The following CTDSP2 variants were observed in gnomAD, a reference collection of about 807,000 sequenced individuals.
CTDSP2 encodes carboxy-terminal domain RNA polymerase II polypeptide A small phosphatase 2.
CTDSP2 carries 9 observed loss-of-function variants against 31.6 expected under a neutral mutation model. The ratio of observed to expected loss-of-function variants is 0.28; its 90% confidence interval spans 0.17 to 0.50. CTDSP2 has a LOEUF of 0.50. Ranked by LOEUF, CTDSP2 falls within the 20% of genes least tolerant of loss-of-function variation. The pLI, the probability that CTDSP2 is intolerant of heterozygous loss-of-function variation, is 0.98. For missense variants in CTDSP2, 267 were observed against 348.5 expected, an observed-to-expected ratio of 0.77 and a Z score of 1.86; for synonymous variants, 134 against 134.5, an observed-to-expected ratio of 1.00 and a Z score of 0.03.
intron 1 of CTDSP2, among the ~76,000 whole-genome samples, chr12:57,840,305 G>GGTC (rs1956274922): frequency 1.3e-5 from 2 of 152,208 alleles, no homozygotes; most frequent in African/African-American, 4.8e-5. Context: ...CGGTTGCCAG[G>GGTC]GTCTCTGACT....
At position 57,846,523 on chromosome 12, in the gene CTDSP2, C is replaced by T. The variant is rs1000484107; in HGVS notation, c.-88G>A. On this transcript the variant is annotated 5_prime_UTR_variant, in exon 1 of 8. Transcript: ENST00000398073. The stretch of plus-strand genomic sequence containing the variant: ...GGGCTGGGGGGCCTGGGCGGGGGCC[C>T]GCTCCGGCTCCCGAGACTCCGACTT... The T allele has an allele frequency of 9.1e-7, 1 of 1,094,594 alleles. No homozygotes were observed. The highest frequency in any genetic ancestry group is 1.2e-6 in the Non-Finnish European group (1 of 805,556). The allele number at this position is 1,094,594 out of a possible 1,614,324, so 67.8% of individuals were successfully genotyped here.
rs1956202775 is a variant in CTDSP2 at position 57,829,536 on chromosome 12, A to T, written c.125T>A (p.Phe42Tyr). The change falls in exon 2 of 8, where the codon TTC becomes TAC. Residue 42 changes from phenylalanine (F) to tyrosine (Y), a missense_variant. Physicochemically the swap from Phe to Tyr is conservative, Grantham distance 22. This residue lies in a region of CTDSP2 where 111 missense variants were observed against 107.1 expected (regional missense o/e 1.04). Coordinates refer to ENST00000398073, the MANE Select transcript of CTDSP2 (RefSeq NM_005730.4). ...AACATGCTGGGCGCGAAAACAGCAGAAAAGGGCCTTGAAGATGTTACGTCC... is the reference window on the plus strand; with the variant it reads ...AACATGCTGGGCGCGAAAACAGCAGTAAAGGGCCTTGAAGATGTTACGTCC... ...PRGRNIFKAL[F>Y]CCFRAQHVGQ... The T allele has an allele frequency of 6.2e-7, 1 of 1,614,040 alleles. No individual in the cohort carries two copies.
Position 57,846,412 on chromosome 12 carries a change from G to A in CTDSP2, c.24C>T (p.Thr8=). 6.2e-7 allele frequency: 1 copy of A among 1,607,778 alleles called. No individual in the cohort carries two copies. Among genetic ancestry groups the A allele is most frequent in the Non-Finnish European group, 8.5e-7 (1 of 1,177,440 alleles). The change falls in exon 1 of 8, where the codon ACC becomes ACT. Residue 8 remains threonine, a synonymous_variant. Transcript: ENST00000398073. MEHGSII[T]QARREDALVL... is the part of the protein sequence containing the mutation. ...CCAGGGCGTCTTCCCTCCGCGCCTG[G>A]GTGATGATGGAGCCGTGTTCCATCT...
At chr12:57,831,040 G>C (rs1226280981) in intron 1 of CTDSP2, among the ~76,000 whole-genome samples, 8 of 146,494 alleles carry the variant, frequency 5.5e-5, no homozygotes, top group African/African-American at 1.0e-4. Flanking sequence ...GAGCCACTGC[G>C]CCTGGCCACA....
rs1434285814 is a variant in CTDSP2, at chr12:57,827,602, A to G, written c.214-12T>C. On this transcript the variant is annotated splice_polypyrimidine_tract_variant and intron_variant, in intron 2 of 7. Coordinates refer to ENST00000398073, the MANE Select transcript of CTDSP2 (RefSeq NM_005730.4). ...TGGAGCAGATCCGACTGAGGAAGAG[A>G]AGGAGGTGGTCAGTGCCATCTCACT... is the stretch of plus-strand genomic sequence containing the variant. The G allele has an allele frequency of 1.2e-6, 2 of 1,613,676 alleles. No individual in the cohort carries two copies. The highest frequency in any genetic ancestry group is 8.5e-7 in the Non-Finnish European group (1 of 1,179,758).
intron 1 of CTDSP2, among the ~76,000 whole-genome samples, chr12:57,843,717 A>G (rs1362980436): frequency 1.3e-5 from 2 of 152,186 alleles, no homozygotes; most frequent in Admixed American, 1.3e-4. Context: ...TGGGGAGAAG[A>G]AGGAACTCCA....
chr12:57,826,540 C>A, intron 4 of CTDSP2, 138 bp from the exon 5 acceptor site: 1 of 727,536 alleles, frequency 1.4e-6, no homozygotes, highest in South Asian at 1.7e-5. Context: ...AAGGGGTTCT[C>A]ACCCTAGTTC....
chr12:57,844,955 G>C (rs574510530), intron 1 of CTDSP2, among the ~76,000 whole-genome samples: 20 of 151,584 alleles, frequency 1.3e-4, no homozygotes, highest in Non-Finnish European at 2.7e-4. Context: ...ATTTGGGAGA[G>C]GCTGACACCA....
At chr12:57,835,999 C>T (rs1192900468) in intron 1 of CTDSP2, among the ~76,000 whole-genome samples, 2 of 152,152 alleles carry the variant, frequency 1.3e-5, no homozygotes, top group Admixed American at 1.3e-4. Context: ...AAGCTAAATG[C>T]TGCGCTTGTT....
intron 7 of CTDSP2, 22 bp downstream of exon 7, chr12:57,823,882 G>A: frequency 6.2e-7 from 1 of 1,613,196 alleles, no homozygotes; most frequent in Non-Finnish European, 8.5e-7. Context: ...CCCTACCGTG[G>A]AGACGCATCA....
rs995667667 is a variant in CTDSP2, at chr12:57,846,649, C to A, written c.-214G>T. ...GCCCGGGCAGCGGCTCCCCCGGGTG[C>A]CCCCGGCCCCGATCCCCCAGCGGCA... is the stretch of plus-strand genomic sequence containing the variant. On this transcript the variant is annotated 5_prime_UTR_variant, in exon 1 of 8. Transcript: ENST00000398073. 9 of 448,160 alleles carry A rather than the reference C, an allele frequency of 2.0e-5. No homozygotes were observed. The highest frequency in any genetic ancestry group is 3.1e-5 in the Non-Finnish European group (8 of 256,620). 27.8% of individuals were successfully genotyped at this position (448,160 alleles called of 1,614,324 possible).
chr12:57,825,986 T>G (rs1263474289), intron 5 of CTDSP2, among the ~76,000 whole-genome samples: 5 of 152,178 alleles, frequency 3.3e-5, no homozygotes, highest in Non-Finnish European at 7.4e-5. Flanking sequence ...ATAGATACCT[T>G]TCTTAAGGAA....
In CTDSP2 at chr12:57,820,374, T is replaced by A. The variant is rs1956137460; in HGVS notation, c.*3228A>T. On this transcript the variant is annotated 3_prime_UTR_variant, in exon 8 of 8. Coordinates refer to ENST00000398073, the MANE Select transcript of CTDSP2 (RefSeq NM_005730.4). ...AAAGGGACCGAGGGACAGCAGTGGT[T>A]AAGTAATCCACTGAGGACCTGAAGG... 6.6e-6 allele frequency: 1 copy of A among 152,222 alleles called. No individual in the cohort carries two copies. Among genetic ancestry groups the A allele is most frequent in the Non-Finnish European group, 1.5e-5 (1 of 68,044 alleles). The allele number at this position is 152,222 out of a possible 1,614,324, so 9.4% of individuals were successfully genotyped here. A position where few individuals can be genotyped will look rare whatever the true frequency, so the allele number is the denominator to read the frequency against.
chr12:57,824,432 C>A (rs1036968797), intron 5 of CTDSP2, 113 bp from the exon 6 acceptor site: 16 of 807,290 alleles, frequency 2.0e-5, no homozygotes, highest in Non-Finnish European at 3.2e-5. Context: ...TGCAGCCCAG[C>A]CTCCTGGGCT....
chr12:57,839,512 A>G (rs1251238299), intron 1 of CTDSP2, among the ~76,000 whole-genome samples: 1 of 152,106 alleles, frequency 6.6e-6, no homozygotes, highest in Non-Finnish European at 1.5e-5. Context: ...AGGTCAGGAG[A>G]TCAAGACCAT....
chr12:57,830,968 G>A (rs1262596699), intron 1 of CTDSP2, among the ~76,000 whole-genome samples: 1 of 151,466 alleles, frequency 6.6e-6, no homozygotes, highest in African/African-American at 2.4e-5. Context: ...GGCTGGTCTT[G>A]AACTCCTGAC....
At chr12:57,833,505 C>T (rs941726347) in intron 1 of CTDSP2, among the ~76,000 whole-genome samples, 1 of 152,204 alleles carries the variant, frequency 6.6e-6, no homozygotes, top group Non-Finnish European at 1.5e-5. Flanking sequence ...GGCTGTCCTC[C>T]TTTCCTTTCT....
chr12:57,842,012 A>G (rs1159704865), intron 1 of CTDSP2, among the ~76,000 whole-genome samples: 1 of 152,188 alleles, frequency 6.6e-6, no homozygotes, highest in Non-Finnish European at 1.5e-5. Context: ...TGAAGTAACA[A>G]TGTAAACTTT....
At position 57,823,386 on chromosome 12, in the gene CTDSP2, C is replaced by T; in HGVS notation, c.*216G>A. ...ACACACTCTCTCACAGTCAAACACA[C>T]ATCTCAACAAGTTGGCGGCAGGTAG... On this transcript the variant is annotated 3_prime_UTR_variant, in exon 8 of 8. Coordinates refer to ENST00000398073, the MANE Select transcript of CTDSP2 (RefSeq NM_005730.4). 1.7e-6 allele frequency: 1 copy of T among 585,834 alleles called. No homozygotes were observed. Among genetic ancestry groups the T allele is most frequent in the East Asian group, 2.9e-5 (1 of 34,364 alleles). The allele number at this position is 585,834 out of a possible 1,614,324, so 36.3% of individuals were successfully genotyped here.
Sources: gnomAD v4.1 joint callset for allele counts (sites outside exome capture counted in the v4.1 genomes callset) on GRCh38, gnomAD v4.1.1 for gene constraint, gnomAD v4.1.1 regional missense constraint, MANE v1.5 for transcripts, NCBI Gene and HGNC (gene_info 2026-07-23, HGNC 2026-07-21) for gene names.